SCPEP1: variants seen among roughly 807,000 people sequenced by gnomAD.
SCPEP1 encodes the protein serine carboxypeptidase 1.
SCPEP1 carries 51 observed loss-of-function variants against 63.8 expected under a neutral mutation model. That is an observed-to-expected ratio of 0.80 (90% confidence interval 0.64 to 1.01). The LOEUF is 1.01. Among genes scored for constraint, SCPEP1 ranks in the 50% least tolerant of loss-of-function variants. The probability of loss-of-function intolerance (pLI) is 0.00; values close to 1 mark genes in which losing one functional copy is unlikely to be tolerated. For synonymous variants in SCPEP1, 204 were observed against 207.8 expected, an observed-to-expected ratio of 0.98 and a Z score of 0.16; for missense variants, 499 against 554.9, an observed-to-expected ratio of 0.90 and a Z score of 1.01.
chr17:56,986,537 T>G (rs1224516477), intron 3 of SCPEP1, among the ~76,000 whole-genome samples: 1 of 93,790 alleles, frequency 1.1e-5, no homozygotes, highest in Non-Finnish European at 2.2e-5. Context: ...TCTTTCTTTG[T>G]TTTTTTTTTT....
rs779623144 is a variant in SCPEP1, at chr17:56,981,156, A to G, written c.151A>G (p.Met51Val). 1.2e-6 allele frequency: 2 copies of G among 1,614,202 alleles called. No homozygotes were observed. Among genetic ancestry groups the G allele is most frequent in the Admixed American group, 3.3e-5 (2 of 60,030 alleles). Residue 51 changes from methionine to valine, a missense_variant, in exon 2 of 13, where the codon ATG becomes GTG. Coordinates refer to ENST00000262288, the MANE Select transcript of SCPEP1 (RefSeq NM_021626.3). ...DYVTVRKDAY[M>V]FWWLYYATNS... Reference sequence around the variant, plus strand: ...TGTGACGGTCCGCAAGGATGCCTACATGTTCTGGTGGCTCTATTATGCCAC... The same window carrying G: ...TGTGACGGTCCGCAAGGATGCCTACGTGTTCTGGTGGCTCTATTATGCCAC...
At chr17:56,988,793 A>T (rs1319864684) in intron 5 of SCPEP1, among the ~76,000 whole-genome samples, 2 of 151,808 alleles carry the variant, frequency 1.3e-5, no homozygotes, top group Non-Finnish European at 2.9e-5. Context: ...TAAAAATAAA[A>T]ATAATGGAGA....
chr17:56,978,243 C>G lies in SCPEP1; in HGVS notation c.76+8C>G, dbSNP rs1422634686. The G allele has an allele frequency of 6.5e-7, 1 of 1,535,574 alleles. No homozygotes were observed. Among genetic ancestry groups the G allele is most frequent in the Admixed American group, 1.9e-5 (1 of 51,534 alleles). On this transcript the variant is annotated splice_region_variant and intron_variant, in intron 1 of 12. Transcript: ENST00000262288. Reference sequence around the variant, plus strand: ...TGCTGGGCCTGAACGCAGGTAGGTTCAAGCAAGAGGCGCACCAGCTGCCAT... The same window carrying G: ...TGCTGGGCCTGAACGCAGGTAGGTTGAAGCAAGAGGCGCACCAGCTGCCAT...
rs34108204 is a variant in SCPEP1 at position 56,978,166 on chromosome 17, C to T, written c.7C>T (p.Leu3=). 2 of 1,461,230 alleles carry T rather than the reference C, an allele frequency of 1.4e-6. No individual in the cohort carries two copies. Among genetic ancestry groups the T allele is most frequent in the African/African-American group, 1.4e-5 (1 of 71,530 alleles). 90.5% of individuals were successfully genotyped at this position (1,461,230 alleles called of 1,614,324 possible). A position where few individuals can be genotyped will look rare whatever the true frequency, so the allele number is the denominator to read the frequency against. ME[L]ALRRSPVPRW... is the part of the protein sequence containing the mutation. ...CTGCCGTGCGGTACTTGTCATGGAG[C>T]TGGCACTGCGGCGCTCTCCCGTCCC... is the stretch of plus-strand genomic sequence containing the variant. Residue 3 remains leucine (L), a synonymous_variant, in exon 1 of 13, where the codon CTG becomes TTG. Coordinates refer to ENST00000262288, the MANE Select transcript of SCPEP1 (RefSeq NM_021626.3).
At chr17:57,001,175 T>G (rs1188474720) in intron 11 of SCPEP1, among the ~76,000 whole-genome samples, 183 bp downstream of exon 11, 1 of 152,146 alleles carries the variant, frequency 6.6e-6, no homozygotes, top group African/African-American at 2.4e-5. Context: ...CACGTGGCTG[T>G]GACCCCTCAG....
chr17:56,994,848 A>G, intron 6 of SCPEP1, 133 bp from the exon 7 acceptor site: 1 of 729,582 alleles, frequency 1.4e-6, no homozygotes. Context: ...AGGTGAATTG[A>G]GGAGCCTTCC....
intron 6 of SCPEP1, among the ~76,000 whole-genome samples, chr17:56,991,797 T>G (rs1911407563): frequency 6.6e-6 from 1 of 152,244 alleles, no homozygotes; most frequent in East Asian, 1.9e-4. Context: ...TTGTGGGTCA[T>G]ATAGTTCTTT....
At chr17:56,988,405 C>A in intron 5 of SCPEP1, 115 bp downstream of exon 5, 2 of 680,152 alleles carry the variant, frequency 2.9e-6, no homozygotes, top group Non-Finnish European at 4.8e-6. Flanking sequence ...ATGCAGAGTA[C>A]GATTAAATCT....
Position 56,978,150 on chromosome 17 carries a change from G to C in SCPEP1, c.-10G>C, listed in dbSNP as rs745922159. The C allele has an allele frequency of 7.5e-6, 10 of 1,333,138 alleles. No individual in the cohort carries two copies. Among genetic ancestry groups the C allele is most frequent in the South Asian group, 1.2e-5 (1 of 83,830 alleles). 82.6% of individuals were successfully genotyped at this position (1,333,138 alleles called of 1,614,324 possible). A position where few individuals can be genotyped will look rare whatever the true frequency, so the allele number is the denominator to read the frequency against. ...CAGCCTGTTGCTGATGCTGCCGTGC[G>C]GTACTTGTCATGGAGCTGGCACTGC... On this transcript the variant is annotated 5_prime_UTR_variant, in exon 1 of 13. Transcript: ENST00000262288.
intron 9 of SCPEP1, 195 bp downstream of exon 9, chr17:56,997,250 C>T: frequency 2.4e-6 from 1 of 423,912 alleles, no homozygotes; most frequent in Middle Eastern, 6.3e-4. Context: ...ATTTCTGTCA[C>T]CCCAAGGAGA....
chr17:56,981,019 G>C (rs972800242), intron 1 of SCPEP1, 63 bp from the exon 2 acceptor site: 2 of 1,580,936 alleles, frequency 1.3e-6, no homozygotes, highest in African/African-American at 1.3e-5. Flanking sequence ...GTCTCTACCA[G>C]GCTTGGAATT....
intron 3 of SCPEP1, chr17:56,987,478 T>G: frequency 4.9e-6 from 2 of 406,304 alleles, no homozygotes; most frequent in South Asian, 4.5e-5. Flanking sequence ...TTTTTTTTTT[T>G]TTGCGGCGGC....
chr17:56,988,960 G>A (rs1911304731), intron 5 of SCPEP1, among the ~76,000 whole-genome samples: 1 of 152,078 alleles, frequency 6.6e-6, no homozygotes, highest in Admixed American at 6.5e-5. Flanking sequence ...GCCCAGGCAG[G>A]AGGACTGCTT....
intron 3 of SCPEP1, among the ~76,000 whole-genome samples, chr17:56,986,929 G>C (rs1346362103): frequency 1.3e-5 from 2 of 152,104 alleles, no homozygotes; most frequent in African/African-American, 4.8e-5. Context: ...CCTGTGCTTG[G>C]TTCCAACAGA....
At chr17:56,988,554 A>G (rs997651911) in intron 5 of SCPEP1, among the ~76,000 whole-genome samples, 1 of 152,150 alleles carries the variant, frequency 6.6e-6, no homozygotes, top group Non-Finnish European at 1.5e-5. Flanking sequence ...GCAACAGGAT[A>G]CAGAATCCAG....
intron 5 of SCPEP1, among the ~76,000 whole-genome samples, chr17:56,990,349 T>A (rs573559400): frequency 2.0e-5 from 3 of 152,350 alleles, no homozygotes; most frequent in South Asian, 2.1e-4. Flanking sequence ...GGGTTTTTTT[T>A]AAGATTTATT....
chr17:56,996,954 T>C lies in SCPEP1; in HGVS notation c.787-8T>C. 1 of 1,586,926 alleles carries C rather than the reference T, an allele frequency of 6.3e-7. No homozygotes were observed. The highest frequency in any genetic ancestry group is 8.6e-7 in the Non-Finnish European group (1 of 1,165,446). The stretch of plus-strand genomic sequence containing the variant: ...AAACAAACAGCCAAATAAACTTTTA[T>C]ATTTCAGAACACAGATGGGGTGAAC... On this transcript the variant is annotated splice_region_variant and splice_polypyrimidine_tract_variant and intron_variant, in intron 8 of 12. Coordinates refer to ENST00000262288, the MANE Select transcript of SCPEP1 (RefSeq NM_021626.3).
intron 5 of SCPEP1, among the ~76,000 whole-genome samples, chr17:56,989,363 T>G (rs1911316911): frequency 6.6e-6 from 1 of 152,196 alleles, no homozygotes; most frequent in African/African-American, 2.4e-5. Flanking sequence ...CACCCAGTTT[T>G]GGTAAGAAGT....
At chr17:56,999,876 G>A (rs976096354) in intron 10 of SCPEP1, among the ~76,000 whole-genome samples, 1 of 152,178 alleles carries the variant, frequency 6.6e-6, no homozygotes, top group Non-Finnish European at 1.5e-5. Flanking sequence ...CAGCTACTTG[G>A]GAGGCTGAGG....
Sources: gnomAD v4.1 joint callset for allele counts (sites outside exome capture counted in the v4.1 genomes callset) on GRCh38, gnomAD v4.1.1 for gene constraint, MANE v1.5 for transcripts, NCBI Gene and HGNC (gene_info 2026-07-23, HGNC 2026-07-21) for gene names.